GK5: variants seen among roughly 807,000 people sequenced by gnomAD.
GK5 encodes glycerol kinase 5.
A neutral mutation model predicts 77.3 loss-of-function variants in GK5; 39 were observed. That is an observed-to-expected ratio of 0.50 (90% CI 0.39 to 0.66). The LOEUF is 0.66. Ranked by LOEUF, GK5 falls within the 30% of genes least tolerant of loss-of-function variation. The pLI, the probability that GK5 is intolerant of heterozygous loss-of-function variation, is 0.00. For synonymous variants in GK5, 211 were observed against 208.0 expected, an observed-to-expected ratio of 1.01 and a Z score of -0.13; for missense variants, 487 against 633.8, an observed-to-expected ratio of 0.77 and a Z score of 2.49.
At chr3:142,185,789 T>C in intron 9 of GK5, 140 bp downstream of exon 9, 1 of 1,550,712 alleles carries the variant, frequency 6.4e-7, no homozygotes. Flanking sequence ...TCCAGGGACC[T>C]TTAACTTAAA....
chr3:142,211,008 T>G (rs2064182074), intron 3 of GK5, among the ~76,000 whole-genome samples: 1 of 152,264 alleles, frequency 6.6e-6, no homozygotes, highest in African/African-American at 2.4e-5. Context: ...TCACTTTAAA[T>G]TTGGTGGGAG....
chr3:142,171,276 C>A, intron 14 of GK5, 143 bp downstream of exon 14: 1 of 716,866 alleles, frequency 1.4e-6, no homozygotes, highest in Non-Finnish European at 2.0e-6. Context: ...TGTGAAGGAG[C>A]TAAGCAGAAA....
intron 11 of GK5, among the ~76,000 whole-genome samples, chr3:142,180,028 G>T (rs1346175784): frequency 1.3e-5 from 2 of 152,230 alleles, no homozygotes; most frequent in African/African-American, 4.8e-5. Context: ...AGAGTGGAGA[G>T]ATTCTCATTT....
intron 3 of GK5, among the ~76,000 whole-genome samples, chr3:142,205,106 T>C (rs2064085481): frequency 6.6e-6 from 1 of 152,240 alleles, no homozygotes. Flanking sequence ...GCACTTGTCC[T>C]GATACACGTA....
intron 2 of GK5, among the ~76,000 whole-genome samples, chr3:142,214,073 C>T (rs1227867090): frequency 5.3e-5 from 8 of 152,346 alleles, no homozygotes; most frequent in Non-Finnish European, 1.2e-4. Context: ...ATCCGCCCAC[C>T]TTGGCCTCCC....
chr3:142,199,915 C>T (rs916495175), intron 4 of GK5, among the ~76,000 whole-genome samples: 1 of 152,006 alleles, frequency 6.6e-6, no homozygotes, highest in African/African-American at 2.4e-5. Context: ...ACCTCACTCC[C>T]TAAAATAAAT....
intron 4 of GK5, among the ~76,000 whole-genome samples, chr3:142,199,492 C>T (rs768859426): frequency 5.9e-4 from 89 of 152,086 alleles, no homozygotes; most frequent in Non-Finnish European, 1.0e-3. Flanking sequence ...CAATCTGCCT[C>T]TATGAATCAA....
chr3:142,211,919 T>A (rs1392699268), intron 3 of GK5, among the ~76,000 whole-genome samples: 1 of 152,212 alleles, frequency 6.6e-6, no homozygotes, highest in African/African-American at 2.4e-5. Context: ...AAACATTTTA[T>A]CATTTTTCCT....
In GK5 at chr3:142,198,928, A is replaced by G; in HGVS notation, c.417T>C (p.Phe139=). ...AGTGAAGCACTCGGCAAGAACTGTG[A>G]AATATCTATATTTTAAAAAACATAT... is the stretch of plus-strand genomic sequence containing the variant. The part of the protein sequence containing the change: ...SWNNSLLMKI[F]HSSCRVLHFF... The change falls in exon 5 of 16, where the codon TTT becomes TTC. Residue 139 remains phenylalanine, a synonymous_variant. Transcript: ENST00000392993. 1 of 1,604,788 alleles carries G rather than the reference A, an allele frequency of 6.2e-7. No individual in the cohort carries two copies. Among genetic ancestry groups the G allele is most frequent in the South Asian group, 1.1e-5 (1 of 89,274 alleles).
chr3:142,173,155 C>T (rs914524308), intron 12 of GK5: 14 of 429,192 alleles, frequency 3.3e-5, no homozygotes, highest in Non-Finnish European at 5.1e-5. Context: ...GAGCCGTGAT[C>T]GCGTTACTGC....
At chr3:142,218,432 C>T (rs1398136020) in intron 1 of GK5, among the ~76,000 whole-genome samples, 2 of 147,766 alleles carry the variant, frequency 1.4e-5, no homozygotes, top group Non-Finnish European at 3.0e-5. Context: ...GTCCCAGCTA[C>T]TCGTGAGGCT....
At chr3:142,209,057 G>A (rs2064154011) in intron 3 of GK5, among the ~76,000 whole-genome samples, 1 of 151,980 alleles carries the variant, frequency 6.6e-6, no homozygotes, top group Non-Finnish European at 1.5e-5. Flanking sequence ...GCTGAGGCAG[G>A]AGAATGGCGT....
At chr3:142,209,789 C>T (rs1193225150) in intron 3 of GK5, among the ~76,000 whole-genome samples, 1 of 152,142 alleles carries the variant, frequency 6.6e-6, no homozygotes, top group Non-Finnish European at 1.5e-5. Flanking sequence ...AGTGCAGCCC[C>T]CAGCACGGTG....
At position 142,157,646 on chromosome 3, in the gene GK5, CCAT is replaced by C. The variant is rs2063392538; in HGVS notation, c.*7973_*7975del. On this transcript the variant is annotated 3_prime_UTR_variant, in exon 16 of 16. Transcript: ENST00000392993. ...ATTTTTAACATCTGCTAGGCTAATT[CCAT>C]CATATTAGTATATGAAATTATCTTT... 3 of 152,152 alleles carry C rather than the reference CCAT, an allele frequency of 2.0e-5. No individual in the cohort carries two copies. The highest frequency in any genetic ancestry group is 6.5e-5 in the Admixed American group (1 of 15,274). The allele number at this position is 152,152 out of a possible 1,614,324, so 9.4% of individuals were successfully genotyped here.
intron 1 of GK5, among the ~76,000 whole-genome samples, chr3:142,217,444 T>G (rs1392509204): frequency 6.6e-6 from 1 of 151,978 alleles, no homozygotes; most frequent in African/African-American, 2.4e-5. Flanking sequence ...TTAATAAACT[T>G]GAAGATAGAC....
At chr3:142,165,920 A>C in intron 15 of GK5, 150 bp from the exon 16 acceptor site, 1 of 553,202 alleles carries the variant, frequency 1.8e-6, no homozygotes, top group Non-Finnish European at 3.1e-6. Context: ...GAATTTTGTT[A>C]GATCGATCAT....
chr3:142,202,904 G>C (rs1330972731), intron 4 of GK5, among the ~76,000 whole-genome samples: 2 of 152,060 alleles, frequency 1.3e-5, no homozygotes, highest in Non-Finnish European at 2.9e-5. Flanking sequence ...TTGTGACAAA[G>C]GGAGACTCCA....
intron 1 of GK5, 122 bp downstream of exon 1, chr3:142,225,187 G>C: frequency 9.2e-7 from 1 of 1,085,568 alleles, no homozygotes; most frequent in Non-Finnish European, 1.2e-6. Context: ...AGGGCCCGCG[G>C]GTGCTGCAGG....
intron 15 of GK5, among the ~76,000 whole-genome samples, chr3:142,168,238 T>C (rs1175789029): frequency 2.0e-5 from 3 of 152,174 alleles, no homozygotes; most frequent in Non-Finnish European, 4.4e-5. Flanking sequence ...ATTTACCTTG[T>C]TACAGTTCTA....
Sources: gnomAD v4.1 joint callset for allele counts (sites outside exome capture counted in the v4.1 genomes callset) on GRCh38, gnomAD v4.1.1 for gene constraint, MANE v1.5 for transcripts, NCBI Gene and HGNC (gene_info 2026-07-23, HGNC 2026-07-21) for gene names.